PAK5: variants seen among roughly 807,000 people sequenced by gnomAD.
PAK5 encodes the protein p21 (RAC1) activated kinase 5, also known as serine/threonine-protein kinase PAK 5.
PAK5 carries 16 observed loss-of-function variants against 65.9 expected under a neutral mutation model. The ratio of observed to expected loss-of-function variants is 0.24; its 90% CI spans 0.16 to 0.37. PAK5 has a LOEUF of 0.37. Among genes scored for constraint, PAK5 ranks in the 10% least tolerant of loss-of-function variants. The pLI, the probability that PAK5 is intolerant of heterozygous loss-of-function variation, is 1.00. For synonymous variants in PAK5, 371 were observed against 354.9 expected (o/e 1.05, Z -0.51); for missense variants, 785 against 903.9 (o/e 0.87, Z 1.69).
chr20:9,655,960 C>T (rs1192061453), intron 2 of PAK5, among the ~76,000 whole-genome samples: 2 of 152,070 alleles, frequency 1.3e-5, no homozygotes, highest in East Asian at 3.9e-4. Flanking sequence ...CTAATGACCT[C>T]ATTTTAATTT....
chr20:9,598,317 C>G (rs1196050461), intron 3 of PAK5, among the ~76,000 whole-genome samples: 1 of 152,278 alleles, frequency 6.6e-6, no homozygotes, highest in Non-Finnish European at 1.5e-5. Context: ...GTGTGGTATT[C>G]CATGGTGTAT....
intron 1 of PAK5, among the ~76,000 whole-genome samples, chr20:9,827,412 G>C (rs1978352875): frequency 6.6e-6 from 1 of 152,146 alleles, no homozygotes; most frequent in Non-Finnish European, 1.5e-5. Context: ...TTTAGCCTGG[G>C]TAATATCCAT....
intron 3 of PAK5, among the ~76,000 whole-genome samples, chr20:9,586,199 G>C (rs181767804): frequency 1.3e-5 from 2 of 152,300 alleles, no homozygotes; most frequent in East Asian, 3.8e-4. Flanking sequence ...AAATGTCTGT[G>C]ATGGGGGGTA....
At chr20:9,689,545 C>T in intron 2 of PAK5, among the ~76,000 whole-genome samples, 1 of 152,152 alleles carries the variant, frequency 6.6e-6, no homozygotes, top group Non-Finnish European at 1.5e-5. Context: ...TACTCGTTTC[C>T]CTGGCCTTCA....
intron 6 of PAK5, among the ~76,000 whole-genome samples, chr20:9,558,216 T>C (rs2045540762): frequency 6.6e-6 from 1 of 151,816 alleles, no homozygotes; most frequent in African/African-American, 2.4e-5. Flanking sequence ...GTCCAAGTGA[T>C]TCTCTCTGCC....
intron 3 of PAK5, among the ~76,000 whole-genome samples, chr20:9,587,960 A>T (rs2046099580): frequency 6.6e-6 from 1 of 152,180 alleles, no homozygotes; most frequent in Admixed American, 6.6e-5. Flanking sequence ...TTCTATATAT[A>T]CATACATAGC....
intron 3 of PAK5, among the ~76,000 whole-genome samples, chr20:9,595,080 T>C (rs1568987086): frequency 6.6e-6 from 1 of 151,068 alleles, no homozygotes; most frequent in Non-Finnish European, 1.5e-5. Context: ...CACATATACA[T>C]ATATATATAC....
At chr20:9,616,453 A>G (rs1190597802) in intron 3 of PAK5, among the ~76,000 whole-genome samples, 1 of 152,222 alleles carries the variant, frequency 6.6e-6, no homozygotes, top group Non-Finnish European at 1.5e-5. Context: ...CATGTTGGGA[A>G]GGGAATCAGC....
chr20:9,631,405 A>G (rs1321766565), intron 3 of PAK5, among the ~76,000 whole-genome samples: 1 of 152,186 alleles, frequency 6.6e-6, no homozygotes, highest in Non-Finnish European at 1.5e-5. Context: ...ATTATTATAT[A>G]TATAGTCCAA....
rs558045298 is a variant in PAK5, at chr20:9,722,640, T to A, written c.-161-11205A>T. ...ATAAATAAATAAATAAATTAATTTT[T>A]AAAAAGGCAAGGTAAGTAGCCAGTG... On this transcript the variant is annotated intron_variant, in intron 1 of 9. Transcript: ENST00000353224. Among the ~76,000 whole-genome samples, 18 of 152,184 alleles carry A rather than the reference T, an allele frequency of 1.2e-4. No homozygotes were observed. In the South Asian group the frequency reaches 3.7e-3, roughly 32 times the overall value.
intron 2 of PAK5, among the ~76,000 whole-genome samples, chr20:9,685,116 C>A (rs2047700334): frequency 6.6e-6 from 1 of 152,204 alleles, no homozygotes; most frequent in African/African-American, 2.4e-5. Context: ...TAGCACTGAT[C>A]TCAGGCTTGT....
At chr20:9,659,645 A>G (rs1490127931) in intron 2 of PAK5, among the ~76,000 whole-genome samples, 3 of 152,178 alleles carry the variant, frequency 2.0e-5, no homozygotes, top group Non-Finnish European at 2.9e-5. Context: ...TAAGAAGGGA[A>G]TTTGCTGTTA....
At chr20:9,764,354 T>C (rs2048732971) in intron 1 of PAK5, among the ~76,000 whole-genome samples, 1 of 152,216 alleles carries the variant, frequency 6.6e-6, no homozygotes, top group Non-Finnish European at 1.5e-5. Flanking sequence ...GTGTATCGTA[T>C]GGGGCACATG....
In PAK5 at chr20:9,539,528, T is replaced by C. The variant is rs781145887; in HGVS notation, c.2094A>G (p.Pro698=). The C allele has an allele frequency of 4.3e-6, 7 of 1,613,978 alleles. No homozygotes were observed. The South Asian group carries it at 4.4e-5, about 10-fold the overall frequency. Residue 698 remains proline (P), a synonymous_variant, in exon 10 of 10, where the codon CCA becomes CCG. Transcript: ENST00000353224. ...ACGGTGGACCTGCTAGTTTTAAGAA[T>C]GGATGTCCGAGGAGTTCCTGGGCTG... ...RATAQELLGH[P]FLKLAGPPSC...
At chr20:9,733,417 C>CT (rs1555918825) in intron 1 of PAK5, among the ~76,000 whole-genome samples, 1 of 137,424 alleles carries the variant, frequency 7.3e-6, no homozygotes, top group African/African-American at 2.7e-5. Flanking sequence ...TTCTTTCTTT[C>CT]TTCTCTCTCT....
chr20:9,690,346 T>C (rs1234137911), intron 2 of PAK5, among the ~76,000 whole-genome samples: 1 of 152,184 alleles, frequency 6.6e-6, no homozygotes, highest in Non-Finnish European at 1.5e-5. Context: ...GTCTGGTATA[T>C]CATATCATTT....
chr20:9,682,751 A>G (rs2047667251), intron 2 of PAK5, among the ~76,000 whole-genome samples: 2 of 152,194 alleles, frequency 1.3e-5, no homozygotes, highest in Non-Finnish European at 2.9e-5. Context: ...TAGGTGTAAG[A>G]AGGGAAGTCT....
Position 9,580,139 on chromosome 20 carries a change from CG to C in PAK5, c.990+5del. On this transcript the variant is annotated splice_donor_5th_base_variant and intron_variant, in intron 4 of 9. Transcript: ENST00000353224. ...CACGTGAGGGAAAGGAGGTAGCAAACGTTACCTTTGGAATGCACATTGTGGG... is the reference window on the plus strand; with the variant it reads ...CACGTGAGGGAAAGGAGGTAGCAAACTTACCTTTGGAATGCACATTGTGGG... 6.2e-7 allele frequency: 1 copy of C among 1,601,950 alleles called. No individual in the cohort carries two copies. Among genetic ancestry groups the C allele is most frequent in the African/African-American group, 1.3e-5 (1 of 74,702 alleles).
intron 2 of PAK5, among the ~76,000 whole-genome samples, chr20:9,682,465 A>G (rs2047663522): frequency 6.6e-6 from 1 of 152,206 alleles, no homozygotes; most frequent in Non-Finnish European, 1.5e-5. Context: ...TCTGAGCTTC[A>G]TTTCCTCTCA....
Sources: allele counts gnomAD v4.1 joint callset (sites outside exome capture counted in the v4.1 genomes callset), GRCh38; gene constraint gnomAD v4.1.1; transcripts MANE v1.5; gene names NCBI Gene and HGNC (gene_info 2026-07-23, HGNC 2026-07-21).